The following RABEP1 variants were observed in gnomAD, a reference collection of about 807,000 sequenced individuals.
RABEP1 encodes rabaptin, RAB GTPase binding effector protein 1.
Under a neutral mutation model 123.4 loss-of-function variants are expected in RABEP1, and 51 were observed. The ratio of observed to expected loss-of-function variants is 0.41; its 90% CI spans 0.33 to 0.52. The LOEUF (loss-of-function observed/expected upper bound fraction) is 0.52, where lower values mean the gene tolerates loss of function less well. Among genes scored for constraint, RABEP1 ranks in the 20% least tolerant of loss-of-function variants. The probability of loss-of-function intolerance (pLI) is 0.16; values close to 1 mark genes in which losing one functional copy is unlikely to be tolerated. For synonymous variants in RABEP1, 347 were observed against 355.2 expected (o/e 0.98, Z 0.26); for missense variants, 888 against 996.3 (o/e 0.89, Z 1.46).
At chr17:5,318,559 A>T (rs2075321045) in intron 2 of RABEP1, among the ~76,000 whole-genome samples, 1 of 152,186 alleles carries the variant, frequency 6.6e-6, no homozygotes, top group Non-Finnish European at 1.5e-5. Context: ...CCTTCCAAAA[A>T]AGAAAGCACT....
intron 9 of RABEP1, chr17:5,362,207 CTTCG>C (rs1909611024): frequency 6.3e-6 from 1 of 159,576 alleles, no homozygotes; most frequent in Non-Finnish European, 1.4e-5. Context: ...GAGATAAACA[CTTCG>C]ATATTTGCCT....
intron 13 of RABEP1, among the ~76,000 whole-genome samples, chr17:5,375,890 T>TTTA (rs1567553724): frequency 9.9e-5 from 13 of 131,518 alleles, no homozygotes; most frequent in African/African-American, 3.2e-4. Flanking sequence ...TTATTTATTT[T>TTTA]GAGACAGAGT....
chr17:5,373,693 A>AACACC (rs1227798190), intron 13 of RABEP1, among the ~76,000 whole-genome samples: 4 of 135,254 alleles, frequency 3.0e-5, no homozygotes, highest in Non-Finnish European at 6.4e-5. Context: ...ACACCAGCTA[A>AACACC]ACACACACAC....
intron 1 of RABEP1, among the ~76,000 whole-genome samples, chr17:5,293,440 T>C (rs1395330280): frequency 6.6e-6 from 1 of 152,204 alleles, no homozygotes; most frequent in African/African-American, 2.4e-5. Flanking sequence ...TGGGGTAATT[T>C]ATTTTTTTGA....
At chr17:5,320,271 G>A (rs2075340185) in intron 2 of RABEP1, among the ~76,000 whole-genome samples, 1 of 151,812 alleles carries the variant, frequency 6.6e-6, no homozygotes, top group African/African-American at 2.4e-5. Flanking sequence ...TCTAAGAATT[G>A]TATATCCAAC....
intron 2 of RABEP1, among the ~76,000 whole-genome samples, chr17:5,329,656 A>G (rs191292835): frequency 6.6e-6 from 1 of 152,298 alleles, no homozygotes; most frequent in African/African-American, 2.4e-5. Context: ...TTACATATAC[A>G]GCAGTAAAAG....
chr17:5,351,647 G>T (rs973453278), intron 7 of RABEP1, among the ~76,000 whole-genome samples: 8 of 152,004 alleles, frequency 5.3e-5, no homozygotes, highest in Non-Finnish European at 1.2e-4. Flanking sequence ...ATAATAAGAA[G>T]AATAATTAGC....
chr17:5,291,760 A>G (rs1002428725), intron 1 of RABEP1, among the ~76,000 whole-genome samples: 2 of 152,070 alleles, frequency 1.3e-5, no homozygotes, highest in Non-Finnish European at 2.9e-5. Flanking sequence ...TACAAAAATT[A>G]GGCCTGATGG....
At chr17:5,284,339 A>G (rs2074956986) in intron 1 of RABEP1, among the ~76,000 whole-genome samples, 1 of 152,186 alleles carries the variant, frequency 6.6e-6, no homozygotes, top group South Asian at 2.1e-4. Context: ...TTTAGTTTGC[A>G]TAGATTGCAA....
rs1223454606 is a variant in RABEP1, at chr17:5,385,998, C to A, written c.*2775C>A. 3.9e-6 allele frequency: 2 copies of A among 514,224 alleles called. No homozygotes were observed. The allele number at this position is 514,224 out of a possible 1,614,324, so 31.9% of individuals were successfully genotyped here. A position where few individuals can be genotyped will look rare whatever the true frequency, so the allele number is the denominator to read the frequency against. On this transcript the variant is annotated 3_prime_UTR_variant, in exon 18 of 18. Transcript: ENST00000537505. ...AATAATCCTGAGTCCTTGCTGAACA[C>A]AACTGTAGGCTTGAGTTATAAAGCA...
At chr17:5,359,053 C>A (rs549206906) in intron 8 of RABEP1, among the ~76,000 whole-genome samples, 2 of 151,616 alleles carry the variant, frequency 1.3e-5, no homozygotes, top group South Asian at 4.2e-4. Context: ...TGAGCTACTG[C>A]GCCAGGCCTG....
chr17:5,352,978 C>A (rs189711622), intron 7 of RABEP1, among the ~76,000 whole-genome samples: 178 of 152,330 alleles, frequency 1.2e-3, no homozygotes, highest in Admixed American at 2.2e-3. Flanking sequence ...CAAAAACTCT[C>A]CATAAGCAGT....
chr17:5,310,812 AT>A (rs57691824), intron 2 of RABEP1, among the ~76,000 whole-genome samples: 181 of 137,136 alleles, frequency 1.3e-3, no homozygotes, highest in Middle Eastern at 3.7e-3. Flanking sequence ...TGTTTCATTC[AT>A]TTTTTTTTTT....
At chr17:5,283,594 TGAGTA>T (rs1346455230) in intron 1 of RABEP1, among the ~76,000 whole-genome samples, 1 of 152,160 alleles carries the variant, frequency 6.6e-6, no homozygotes, top group Non-Finnish European at 1.5e-5. Context: ...TCTTTAAGTG[TGAGTA>T]GAGTAGAATG....
chr17:5,355,745 A>G (rs1198986374), intron 8 of RABEP1, among the ~76,000 whole-genome samples: 1 of 152,146 alleles, frequency 6.6e-6, no homozygotes, highest in East Asian at 1.9e-4. Flanking sequence ...ATGCTTACAG[A>G]TTGTTTGATG....
intron 12 of RABEP1, 113 bp from the exon 13 acceptor site, chr17:5,373,201 A>AT (rs1346191846): frequency 1.1e-6 from 1 of 947,118 alleles, no homozygotes; most frequent in Non-Finnish European, 1.5e-6. Context: ...GAACTTCACC[A>AT]TACCCCGTCC....
chr17:5,285,920 C>T (rs1444335982), intron 1 of RABEP1, among the ~76,000 whole-genome samples: 1 of 152,102 alleles, frequency 6.6e-6, no homozygotes, highest in African/African-American at 2.4e-5. Flanking sequence ...TATTGTGGGG[C>T]AAGTAGATTG....
intron 8 of RABEP1, among the ~76,000 whole-genome samples, chr17:5,356,185 A>G (rs1014242592): frequency 3.3e-5 from 5 of 152,170 alleles, no homozygotes; most frequent in Admixed American, 1.3e-4. Context: ...GTGAAACCCT[A>G]TCTCTACTAA....
intron 2 of RABEP1, among the ~76,000 whole-genome samples, chr17:5,322,456 C>T (rs1905470620): frequency 6.9e-6 from 1 of 144,032 alleles, no homozygotes; most frequent in Admixed American, 6.8e-5. Flanking sequence ...ATCTATGCAC[C>T]TAACACTGGT....
Sources: gnomAD v4.1 joint callset for allele counts (sites outside exome capture counted in the v4.1 genomes callset) on GRCh38, gnomAD v4.1.1 for gene constraint, MANE v1.5 for transcripts, NCBI Gene and HGNC (gene_info 2026-07-23, HGNC 2026-07-21) for gene names.